FRG1: variants seen among roughly 807,000 people sequenced by gnomAD.
FRG1 encodes FSHD region gene 1, also known as protein FRG1.
FRG1 carries 19 observed loss-of-function variants against 37.0 expected under a neutral mutation model. The ratio of observed to expected loss-of-function variants is 0.51; its 90% CI spans 0.36 to 0.75. The LOEUF (loss-of-function observed/expected upper bound fraction) is 0.75. Among genes scored for constraint, FRG1 ranks in the 30% least tolerant of loss-of-function variants. The pLI is 0.00. For missense variants in FRG1, 243 were observed against 301.4 expected (o/e 0.81, Z 1.44); for synonymous variants, 73 against 96.5 (o/e 0.76, Z 1.43).
intron 2 of FRG1, among the ~76,000 whole-genome samples, chr4:189,943,852 G>T (rs373252825): frequency 6.6e-6 from 1 of 151,976 alleles, no homozygotes; most frequent in African/African-American, 2.4e-5. Flanking sequence ...CATAAATTAT[G>T]GTAACTTAAT....
At chr4:189,958,613 C>G (rs1737091190) in intron 6 of FRG1, among the ~76,000 whole-genome samples, 1 of 152,256 alleles carries the variant, frequency 6.6e-6, no homozygotes, top group Admixed American at 6.5e-5. Context: ...GACGCGTTAT[C>G]CATTGCACCA....
At chr4:189,942,592 A>T (rs1736362449) in intron 1 of FRG1, among the ~76,000 whole-genome samples, 1 of 152,092 alleles carries the variant, frequency 6.6e-6, no homozygotes, top group Non-Finnish European at 1.5e-5. Flanking sequence ...CATTTTGTTC[A>T]TCCATTCATC....
chr4:189,959,237 A>C (rs1198943200), intron 6 of FRG1, among the ~76,000 whole-genome samples: 1 of 152,186 alleles, frequency 6.6e-6, no homozygotes, highest in Non-Finnish European at 1.5e-5. Flanking sequence ...TTCAATCTAA[A>C]ATGTAGGTAT....
intron 2 of FRG1, among the ~76,000 whole-genome samples, chr4:189,946,213 A>G (rs1736520497): frequency 6.6e-6 from 1 of 151,806 alleles, no homozygotes; most frequent in South Asian, 2.1e-4. Context: ...ATCGTTTAGT[A>G]CAGGTGTATT....
At chr4:189,961,091 G>GA in intron 7 of FRG1, 1 of 395,460 alleles carries the variant, frequency 2.5e-6, no homozygotes, top group South Asian at 3.0e-5. Context: ...TGGACAAGAA[G>GA]AGACGACACA....
intron 5 of FRG1, among the ~76,000 whole-genome samples, chr4:189,956,752 C>G (rs1181126865): frequency 3.3e-5 from 5 of 152,074 alleles, no homozygotes; most frequent in Admixed American, 3.3e-4. Flanking sequence ...AAAGAATCAA[C>G]CAAATACAAG....
intron 2 of FRG1, among the ~76,000 whole-genome samples, chr4:189,951,092 G>T (rs7658339): frequency 0.43 from 65,973 of 151,922 alleles, 17,026 homozygotes; most frequent in African/African-American, 0.73. Context: ...TTATAACAAC[G>T]GCTTAAATAA....
intron 2 of FRG1, among the ~76,000 whole-genome samples, chr4:189,946,206 G>T (rs1402912376): frequency 5.3e-5 from 8 of 150,380 alleles, no homozygotes; most frequent in Admixed American, 1.3e-4. Flanking sequence ...GTTAATGATC[G>T]TTTAGTACAG....
At chr4:189,951,889 T>G (rs929959154) in intron 2 of FRG1, among the ~76,000 whole-genome samples, 2 of 152,122 alleles carry the variant, frequency 1.3e-5, no homozygotes, top group Non-Finnish European at 2.9e-5. Flanking sequence ...GTCGCATGAA[T>G]CTCTGCACAT....
Position 189,940,993 on chromosome 4 carries a change from A to G in FRG1, c.-17A>G. The G allele has an allele frequency of 1.9e-6, 3 of 1,611,458 alleles. No homozygotes were observed. The highest frequency in any genetic ancestry group is 2.5e-6 in the Non-Finnish European group (3 of 1,177,906). On this transcript the variant is annotated 5_prime_UTR_variant, in exon 1 of 9. Transcript: ENST00000226798. ...AGAACCGGCCTCAGCCTCTCCGCGC[A>G]GAAGTTTCCCGGAGCCATGGCCGAG...
At chr4:189,954,551 T>C (rs893162378) in intron 4 of FRG1, among the ~76,000 whole-genome samples, 2 of 151,628 alleles carry the variant, frequency 1.3e-5, no homozygotes, top group African/African-American at 2.4e-5. Context: ...AATTTAAAAC[T>C]GCACTGTCCA....
intron 2 of FRG1, among the ~76,000 whole-genome samples, chr4:189,947,058 G>A (rs916054720): frequency 6.6e-5 from 10 of 152,186 alleles, no homozygotes; most frequent in African/African-American, 9.7e-5. Context: ...GTTTCACCAC[G>A]TTGACCAAGC....
chr4:189,942,777 CTG>C (rs1463508153), intron 1 of FRG1, among the ~76,000 whole-genome samples: 1 of 152,152 alleles, frequency 6.6e-6, no homozygotes, highest in East Asian at 1.9e-4. Context: ...GAACCCCAAA[CTG>C]TTTCCTGTAG....
intron 4 of FRG1, 22 bp from the exon 5 acceptor site, chr4:189,955,015 T>C (rs776631688): frequency 2.4e-5 from 35 of 1,442,276 alleles, no homozygotes; most frequent in East Asian, 2.0e-4. Flanking sequence ...CTTTAACTTT[T>C]ATCTATGTTA....
Position 189,942,024 on chromosome 4 carries a change from G to A in FRG1, c.62+953G>A, listed in dbSNP as rs563853629. ...TGGCAGGTTTATCCTGAATGAATGT[G>A]AGATTTTTACTCTGTGAATTTCCTG... On this transcript the variant is annotated intron_variant, in intron 1 of 8. Coordinates refer to ENST00000226798, the MANE Select transcript of FRG1 (RefSeq NM_004477.3). The A allele has an allele frequency of 1.9e-5, 4 of 209,928 alleles. No individual in the cohort carries two copies. The South Asian group carries it at 2.1e-4, about 11-fold the overall frequency. The allele number at this position is 209,928 out of a possible 1,614,324, so 13.0% of individuals were successfully genotyped here.
chr4:189,949,861 G>A (rs1736680483), intron 2 of FRG1, among the ~76,000 whole-genome samples: 1 of 152,008 alleles, frequency 6.6e-6, no homozygotes, highest in East Asian at 1.9e-4. Flanking sequence ...CATTGGTTTT[G>A]TGTGTGTGTG....
chr4:189,961,983 G>A (rs1233915713), intron 8 of FRG1, 51 bp downstream of exon 8: 3 of 943,646 alleles, frequency 3.2e-6, no homozygotes, highest in African/African-American at 3.4e-5. Context: ...AATAGAAATG[G>A]CATGTAGAAA....
chr4:189,941,311 C>T (rs1333856724), intron 1 of FRG1, among the ~76,000 whole-genome samples: 4 of 152,038 alleles, frequency 2.6e-5, no homozygotes, highest in Non-Finnish European at 5.9e-5. Flanking sequence ...CCCGTGACCC[C>T]GTACCCACGA....
chr4:189,962,599 G>T (rs73024975), intron 8 of FRG1, among the ~76,000 whole-genome samples: 1 of 151,984 alleles, frequency 6.6e-6, no homozygotes, highest in African/African-American at 2.4e-5. Flanking sequence ...GTTTAATTAC[G>T]TATTTCCTGT....
Sources: gnomAD v4.1 joint callset for allele counts (sites outside exome capture counted in the v4.1 genomes callset) on GRCh38, gnomAD v4.1.1 for gene constraint, MANE v1.5 for transcripts, NCBI Gene and HGNC (gene_info 2026-07-23, HGNC 2026-07-21) for gene names.